The following SMS variants were observed in gnomAD, a reference collection of about 807,000 sequenced individuals.
The protein encoded by SMS is spermine synthase.
SMS carries 3 observed loss-of-function variants against 33.0 expected under a neutral mutation model. The ratio of observed to expected loss-of-function variants is 0.09; its 90% CI spans 0.04 to 0.23. The LOEUF (loss-of-function observed/expected upper bound fraction) is 0.23, where lower values mean the gene tolerates loss of function less well. Ranked by LOEUF, SMS falls within the 10% of genes least tolerant of loss-of-function variation. The probability of loss-of-function intolerance (pLI) is 1.00; values close to 1 mark genes in which losing one functional copy is unlikely to be tolerated. For synonymous variants in SMS, 103 were observed against 112.2 expected (o/e 0.92, Z 0.52); for missense variants, 117 against 288.6 (o/e 0.41, Z 4.31).
At chrX:21,944,781 C>G (rs1489480379) in intron 1 of SMS, among the ~76,000 whole-genome samples, 1 of 110,589 alleles carries the variant, frequency 9.0e-6, no homozygotes, top group African/African-American at 3.3e-5. Flanking sequence ...AGTTTGAGAT[C>G]AGCCTGGCCA....
intron 5 of SMS, 95 bp from the exon 6 acceptor site, chrX:21,977,865 C>T: frequency 3.4e-6 from 3 of 880,563 alleles, no homozygotes; most frequent in Non-Finnish European, 5.0e-6. Flanking sequence ...GAAAAATTTA[C>T]ATTTTGGTCT....
intron 1 of SMS, among the ~76,000 whole-genome samples, chrX:21,950,354 G>T (rs749948874): frequency 4.5e-5 from 5 of 110,183 alleles, no homozygotes; most frequent in South Asian, 3.9e-4. Flanking sequence ...ATTTGGAGCT[G>T]GAGGCTTGAT....
At chrX:21,949,927 T>TTC (rs765931952) in intron 1 of SMS, among the ~76,000 whole-genome samples, 3 of 104,251 alleles carry the variant, frequency 2.9e-5, no homozygotes, top group Non-Finnish European at 3.9e-5. Context: ...AGTCAGTGAG[T>TTC]GTGATGCAGA....
chrX:21,955,468 A>AG (rs764627397), intron 1 of SMS, among the ~76,000 whole-genome samples: 2 of 112,176 alleles, frequency 1.8e-5, no homozygotes, highest in Non-Finnish European at 3.8e-5. Flanking sequence ...TTGAACTAAA[A>AG]GTAAGGGCTG....
intron 2 of SMS, among the ~76,000 whole-genome samples, chrX:21,969,336 C>A (rs2147510098): frequency 8.9e-6 from 1 of 111,954 alleles, no homozygotes; most frequent in African/African-American, 3.2e-5. Context: ...ATTTCTTCCT[C>A]ATATGAACAC....
chrX:21,972,645 A>C, intron 4 of SMS, 74 bp downstream of exon 4: 3 of 722,992 alleles, frequency 4.1e-6, no homozygotes, highest in Non-Finnish European at 4.4e-6. Flanking sequence ...GCGGTAGCTC[A>C]CACCTGTAAT....
chrX:21,953,646 GT>G (rs1922768161), intron 1 of SMS, among the ~76,000 whole-genome samples: 1 of 112,302 alleles, frequency 8.9e-6, no homozygotes, highest in African/African-American at 3.2e-5. Context: ...TCATTAGTTT[GT>G]GTTTTTAGAG....
chrX:21,976,016 C>T (rs746876528), intron 4 of SMS, among the ~76,000 whole-genome samples: 8 of 111,253 alleles, frequency 7.2e-5, no homozygotes, highest in Admixed American at 6.7e-4. Flanking sequence ...AGTGAGCTCT[C>T]GTTTTCTTTG....
At chrX:21,988,730 T>C (rs977173103) in intron 9 of SMS, among the ~76,000 whole-genome samples, 1 of 107,088 alleles carries the variant, frequency 9.3e-6, no homozygotes, top group Admixed American at 1.0e-4. Context: ...TGTTGTGTTT[T>C]ACAAAAGCTA....
At chrX:21,993,879 C>T (rs562801878) in intron 10 of SMS, among the ~76,000 whole-genome samples, 1 of 109,364 alleles carries the variant, frequency 9.1e-6, no homozygotes, top group South Asian at 4.0e-4. Context: ...TCCTTTCCTC[C>T]TCTGACCTTT....
chrX:21,988,264 T>C (rs1161310598), intron 9 of SMS, among the ~76,000 whole-genome samples: 2 of 110,129 alleles, frequency 1.8e-5, no homozygotes, highest in East Asian at 5.7e-4. Flanking sequence ...GATGTGTTGA[T>C]GTAGTTGCCA....
At chrX:21,985,085 C>A (rs1222446312) in intron 8 of SMS, 59 bp from the exon 9 acceptor site, 11 of 730,534 alleles carry the variant, frequency 1.5e-5, no homozygotes, top group Non-Finnish European at 2.2e-5. Flanking sequence ...TATTTTACTT[C>A]AGATGTTGTG....
At chrX:21,976,745 T>C (rs1260461958) in intron 4 of SMS, among the ~76,000 whole-genome samples, 1 of 111,969 alleles carries the variant, frequency 8.9e-6, no homozygotes, top group African/African-American at 3.2e-5. Flanking sequence ...CATGTAGTTA[T>C]GTAGATAGTC....
chrX:21,971,870 A>G (rs772775184), intron 2 of SMS, 27 bp from the exon 3 acceptor site: 15 of 1,029,299 alleles, frequency 1.5e-5, no homozygotes, highest in Admixed American at 2.2e-5. Context: ...ACAATTCTTA[A>G]GCTTAAAATT....
intron 4 of SMS, 140 bp downstream of exon 4, chrX:21,972,711 C>T: frequency 1.0e-5 from 5 of 490,592 alleles, no homozygotes; most frequent in South Asian, 7.7e-5. Flanking sequence ...GAGTTTGAGA[C>T]CAGCCTGGCC....
intron 1 of SMS, among the ~76,000 whole-genome samples, chrX:21,957,179 ATG>A (rs1292623739): frequency 2.8e-5 from 3 of 107,063 alleles, no homozygotes; most frequent in Middle Eastern, 4.8e-3. Context: ...TTGCATAAGA[ATG>A]TATGTATTAG....
At chrX:21,984,528 A>AG (rs1178346748) in intron 8 of SMS, 110 bp downstream of exon 8, 4 of 559,987 alleles carry the variant, frequency 7.1e-6, no homozygotes, top group Non-Finnish European at 9.3e-6. Flanking sequence ...TGAAAAAGGG[A>AG]GTTAAATTGA....
chrX:21,989,225 C>T (rs1048140410), intron 9 of SMS, among the ~76,000 whole-genome samples: 3 of 110,637 alleles, frequency 2.7e-5, no homozygotes, highest in African/African-American at 9.9e-5. Flanking sequence ...TGCTTGAGCC[C>T]AGGAGTTCGA....
chrX:21,945,632 C>T (rs1468289076), intron 1 of SMS, among the ~76,000 whole-genome samples: 1 of 67,536 alleles, frequency 1.5e-5, no homozygotes, highest in Non-Finnish European at 2.6e-5. Context: ...CTTTGCTTCC[C>T]GTCCCCCCCC....
Sources: gnomAD v4.1 joint callset for allele counts (sites outside exome capture counted in the v4.1 genomes callset) on GRCh38, gnomAD v4.1.1 for gene constraint, MANE v1.5 for transcripts, NCBI Gene and HGNC (gene_info 2026-07-23, HGNC 2026-07-21) for gene names.